The following IRAK3 variants were observed in gnomAD, a reference collection of about 807,000 sequenced individuals.
IRAK3 encodes interleukin 1 receptor associated kinase 3, also known as interleukin-1 receptor-associated kinase 3.
Under a neutral mutation model 56.6 loss-of-function variants are expected in IRAK3, and 57 were observed. The ratio of observed to expected loss-of-function variants is 1.01; its 90% CI spans 0.81 to 1.26. The LOEUF (loss-of-function observed/expected upper bound fraction) is 1.26, where lower values mean the gene tolerates loss of function less well. IRAK3 is among the 50% of genes most tolerant of loss of function. The pLI, the probability that IRAK3 is intolerant of heterozygous loss-of-function variation, is 0.00. For synonymous variants in IRAK3, 258 were observed against 255.7 expected, an observed-to-expected ratio of 1.01 and a Z score of -0.09; for missense variants, 703 against 719.0, an observed-to-expected ratio of 0.98 and a Z score of 0.25.
intron 5 of IRAK3, among the ~76,000 whole-genome samples, chr12:66,214,120 AT>A (rs1298848934): frequency 3.3e-5 from 5 of 152,174 alleles, no homozygotes; most frequent in Admixed American, 2.6e-4. Flanking sequence ...TCTGTGGGTG[AT>A]TTTTAAGTAG....
rs1195322801 is a variant in IRAK3 at position 66,196,812 on chromosome 12, TA to T, written c.134-6893del. ...ATGTCTTTAACCTTAAAAGTTCTTT[TA>T]AAAAATTGTCTAATTTTTTGCATGC... On this transcript the variant is annotated intron_variant, in intron 1 of 11. Transcript: ENST00000261233. 5.7e-6 allele frequency: 8 copies of T among 1,409,092 alleles called. No individual in the cohort carries two copies. In the South Asian group the frequency reaches 7.5e-5, roughly 13 times the overall value. 87.3% of individuals were successfully genotyped at this position (1,409,092 alleles called of 1,614,324 possible). A position where few individuals can be genotyped will look rare whatever the true frequency, so the allele number is the denominator to read the frequency against.
In IRAK3 at chr12:66,210,147, G is replaced by T; in HGVS notation, c.382G>T (p.Glu128Ter). 6.3e-7 allele frequency: 1 copy of T among 1,580,240 alleles called. No individual in the cohort carries two copies. Among genetic ancestry groups the T allele is most frequent in the African/African-American group, 1.3e-5 (1 of 74,290 alleles). ...CTTTAGTATATATTTCTTCTCTTAG[G>T]AAACAGCCAATGTCACCGTGGATAA... ...EGGFPNILFK[E>*]TANVTVDNVL... The change falls in exon 4 of 12, where the codon GAA becomes TAA. Residue 128 changes from glutamate to a stop codon, truncating the protein, a stop_gained and splice_region_variant. Coordinates refer to ENST00000261233, the MANE Select transcript of IRAK3 (RefSeq NM_007199.3). LOFTEE classifies it high-confidence loss of function.
chr12:66,197,105 T>G, intron 1 of IRAK3: 1 of 1,313,418 alleles, frequency 7.6e-7, no homozygotes, highest in Non-Finnish European at 9.7e-7. Flanking sequence ...ATTTCTGAAC[T>G]TCTTAGGTTG....
intron 5 of IRAK3, 26 bp downstream of exon 5, chr12:66,211,623 A>T (rs748245004): frequency 6.4e-7 from 1 of 1,573,338 alleles, no homozygotes. Flanking sequence ...CTGTCACAGG[A>T]CATCAGTTCC....
intron 10 of IRAK3, 34 bp downstream of exon 10, chr12:66,245,044 T>G: frequency 6.2e-7 from 1 of 1,613,832 alleles, no homozygotes; most frequent in Non-Finnish European, 8.5e-7. Flanking sequence ...ACCTATCTCT[T>G]GGTCATTTTT....
At position 66,210,164 on chromosome 12, in the gene IRAK3, C is replaced by G; in HGVS notation, c.399C>G (p.Thr133=). The part of the protein sequence containing the change: ...NILFKETANV[T]VDNVLIPEHN... ...TCTCTTAGGAAACAGCCAATGTCACCGTGGATAATGTTCTTATTCCTGAAC... is the reference window on the plus strand; with the variant it reads ...TCTCTTAGGAAACAGCCAATGTCACGGTGGATAATGTTCTTATTCCTGAAC... The change falls in exon 4 of 12, where the codon ACC becomes ACG. Residue 133 remains threonine, a synonymous_variant. Coordinates refer to ENST00000261233, the MANE Select transcript of IRAK3 (RefSeq NM_007199.3). 1 of 1,599,898 alleles carries G rather than the reference C, an allele frequency of 6.3e-7. No individual in the cohort carries two copies. Among genetic ancestry groups the G allele is most frequent in the Non-Finnish European group, 8.6e-7 (1 of 1,167,348 alleles).
intron 8 of IRAK3, chr12:66,234,262 C>T: frequency 6.2e-7 from 1 of 1,613,312 alleles, no homozygotes; most frequent in Non-Finnish European, 8.5e-7. Context: ...ACAGATGACT[C>T]ATCTGCTGGG....
At chr12:66,215,786 GCA>G (rs71096080) in intron 5 of IRAK3, among the ~76,000 whole-genome samples, 2,711 of 122,798 alleles carry the variant, frequency 0.022, 52 homozygotes, top group Middle Eastern at 0.052. Flanking sequence ...AACCCAACAT[GCA>G]CACACACACA....
rs11465986 is a variant in IRAK3 at position 66,247,589 on chromosome 12, T to A, written c.1315-106T>A. On this transcript the variant is annotated intron_variant, in intron 11 of 11. Transcript: ENST00000261233. Reference sequence around the variant, plus strand: ...CTAATTCAAAATTCTATAGCTGAACTAATTTCATGAAAATGAAAGAATATT... The same window carrying A: ...CTAATTCAAAATTCTATAGCTGAACAAATTTCATGAAAATGAAAGAATATT... The A allele has an allele frequency of 1.3e-3, 1,018 of 781,278 alleles. 13 individuals are homozygous for A. In the African/African-American group the frequency reaches 0.015, roughly 11 times the overall value. The allele number at this position is 781,278 out of a possible 1,614,324, so 48.4% of individuals were successfully genotyped here. A position where few individuals can be genotyped will look rare whatever the true frequency, so the allele number is the denominator to read the frequency against.
intron 6 of IRAK3, among the ~76,000 whole-genome samples, chr12:66,226,136 T>TA (rs1415004843): frequency 6.6e-6 from 1 of 152,248 alleles, no homozygotes; most frequent in East Asian, 1.9e-4. Context: ...TACAAATCTT[T>TA]AAAAATCTTT....
intron 1 of IRAK3, among the ~76,000 whole-genome samples, chr12:66,203,066 A>T (rs981451747): frequency 6.6e-6 from 1 of 152,180 alleles, no homozygotes; most frequent in East Asian, 1.9e-4. Context: ...AATCACCATT[A>T]AGCAAATATT....
intron 2 of IRAK3, among the ~76,000 whole-genome samples, 179 bp from the exon 3 acceptor site, chr12:66,209,277 T>A (rs966460773): frequency 1.6e-4 from 24 of 152,196 alleles, no homozygotes; most frequent in Non-Finnish European, 2.8e-4. Flanking sequence ...TAGAAAGCTA[T>A]TTCACAAATA....
chr12:66,211,932 G>A (rs2052616429), intron 5 of IRAK3, among the ~76,000 whole-genome samples: 1 of 152,088 alleles, frequency 6.6e-6, no homozygotes, highest in South Asian at 2.1e-4. Context: ...TCAACAGGGT[G>A]AAACCCTGTC....
At chr12:66,234,821 T>G in intron 8 of IRAK3, 1 of 1,603,148 alleles carries the variant, frequency 6.2e-7, no homozygotes, top group Non-Finnish European at 8.5e-7. Flanking sequence ...GAGCATATTT[T>G]CTAGTTCTTG....
intron 8 of IRAK3, chr12:66,234,553 T>G: frequency 2.5e-6 from 4 of 1,611,884 alleles, no homozygotes; most frequent in Admixed American, 1.7e-5. Flanking sequence ...TCACCTCTCC[T>G]TCTCTATGCC....
chr12:66,235,022 G>A, intron 8 of IRAK3: 2 of 1,613,500 alleles, frequency 1.2e-6, no homozygotes, highest in Non-Finnish European at 1.7e-6. Flanking sequence ...AATTGCGTTT[G>A]TGGAGACTAT....
intron 8 of IRAK3, chr12:66,235,266 C>G: frequency 2.6e-6 from 4 of 1,557,574 alleles, no homozygotes; most frequent in East Asian, 2.4e-5. Context: ...CCGGGGTTGC[C>G]GCTGCTGCTG....
At chr12:66,194,534 G>A (rs538140895) in intron 1 of IRAK3, among the ~76,000 whole-genome samples, 2 of 152,120 alleles carry the variant, frequency 1.3e-5, no homozygotes, top group African/African-American at 4.8e-5. Context: ...GCTCTAGAAC[G>A]TTACATGCCC....
intron 6 of IRAK3, among the ~76,000 whole-genome samples, chr12:66,226,163 T>G (rs1219288488): frequency 6.6e-6 from 1 of 152,238 alleles, no homozygotes; most frequent in African/African-American, 2.4e-5. Context: ...TTAAATTTTC[T>G]GCCTTATATT....
Sources: gnomAD v4.1 joint callset for allele counts (sites outside exome capture counted in the v4.1 genomes callset) on GRCh38, gnomAD v4.1.1 for gene constraint, MANE v1.5 for transcripts, NCBI Gene and HGNC (gene_info 2026-07-23, HGNC 2026-07-21) for gene names.